SGCZ: variants seen among roughly 807,000 people sequenced by gnomAD.
SGCZ encodes the protein zeta-sarcoglycan.
A neutral mutation model predicts 41.3 loss-of-function variants in SGCZ; 40 were observed. The observed-to-expected ratio is 0.97, with a 90% CI of 0.75 to 1.26. The LOEUF (loss-of-function observed/expected upper bound fraction) is 1.26. Ranked by LOEUF, SGCZ falls within the 50% of genes most tolerant of loss-of-function variation. SGCZ has a pLI of 0.00. For missense variants in SGCZ, 552 were observed against 369.8 expected, an observed-to-expected ratio of 1.49 and a Z score of -4.04; for synonymous variants, 206 against 137.5, an observed-to-expected ratio of 1.50 and a Z score of -3.49.
intron 2 of SGCZ, among the ~76,000 whole-genome samples, chr8:14,430,914 GAATCA>G (rs1799925846): frequency 6.6e-6 from 1 of 152,080 alleles, no homozygotes; most frequent in Non-Finnish European, 1.5e-5. Flanking sequence ...ACCAAGCTGA[GAATCA>G]AATCAAGAAC....
chr8:14,094,746 C>T (rs1180701707), intron 7 of SGCZ, among the ~76,000 whole-genome samples: 4 of 152,138 alleles, frequency 2.6e-5, no homozygotes, highest in Non-Finnish European at 5.9e-5. Flanking sequence ...ATTTACACTC[C>T]CACCAACAGT....
chr8:14,257,077 T>C lies in SGCZ; in HGVS notation c.337-19398A>G, dbSNP rs556004267. On this transcript the variant is annotated intron_variant, in intron 3 of 7. Coordinates refer to ENST00000382080, the MANE Select transcript of SGCZ (RefSeq NM_139167.4). ...CAGGCGTGGTGGCTCATGCCTCTAA[T>C]CCTAGCACTAGAAGGCCAAAGTGGA... 9.2e-5 allele frequency among the ~76,000 whole-genome samples: 14 copies of C among 152,244 alleles called. No individual in the cohort carries two copies. The East Asian group carries it at 2.5e-3, about 27-fold the overall frequency.
chr8:15,212,212 T>A (rs1403376105), intron 1 of SGCZ, among the ~76,000 whole-genome samples: 1 of 152,138 alleles, frequency 6.6e-6, no homozygotes, highest in East Asian at 1.9e-4. Context: ...GGCTCATTGT[T>A]CTTAATTTGA....
chr8:15,085,750 G>A (rs561963390), intron 1 of SGCZ, among the ~76,000 whole-genome samples: 3 of 151,980 alleles, frequency 2.0e-5, no homozygotes, highest in Non-Finnish European at 2.9e-5. Flanking sequence ...ACACATCTAC[G>A]CTAGATATGA....
At chr8:15,106,069 T>C (rs1806812859) in intron 1 of SGCZ, among the ~76,000 whole-genome samples, 1 of 152,208 alleles carries the variant, frequency 6.6e-6, no homozygotes, top group South Asian at 2.1e-4. Context: ...ATCATGACAT[T>C]ACAATATGCT....
rs193020719 is a variant in SGCZ, at chr8:14,606,483, G to A, written c.40-51557C>T. The stretch of plus-strand genomic sequence containing the variant: ...GTTGTTGAGAACTTCTCAGCATTCT[G>A]GCTTCTTCTCATTACTCTCCGTCTT... On this transcript the variant is annotated intron_variant, in intron 1 of 7. Transcript: ENST00000382080. Among the ~76,000 whole-genome samples the A allele has an allele frequency of 5.1e-4, 78 of 152,212 alleles. 1 individual carries two copies. In the East Asian group the frequency reaches 0.012, roughly 23 times the overall value.
chr8:14,884,744 T>A (rs1413840871), intron 1 of SGCZ, among the ~76,000 whole-genome samples: 1 of 152,156 alleles, frequency 6.6e-6, no homozygotes, highest in Non-Finnish European at 1.5e-5. Context: ...TAGTATATAT[T>A]TAGTAACATT....
intron 1 of SGCZ, among the ~76,000 whole-genome samples, chr8:14,960,436 C>G (rs966860955): frequency 5.3e-5 from 8 of 152,012 alleles, no homozygotes; most frequent in African/African-American, 1.2e-4. Context: ...TGCAATGATT[C>G]AAATGAAATT....
chr8:14,771,119 G>C (rs1238387734), intron 1 of SGCZ, among the ~76,000 whole-genome samples: 1 of 152,004 alleles, frequency 6.6e-6, no homozygotes, highest in Non-Finnish European at 1.5e-5. Flanking sequence ...TAAGGATTTG[G>C]GTAAATAAGG....
intron 2 of SGCZ, among the ~76,000 whole-genome samples, chr8:14,367,455 C>G (rs1803754734): frequency 6.6e-6 from 1 of 151,950 alleles, no homozygotes; most frequent in African/African-American, 2.4e-5. Flanking sequence ...TCTGTAGTAC[C>G]AATTTACTTT....
chr8:15,101,096 C>T (rs1167999473), intron 1 of SGCZ, among the ~76,000 whole-genome samples: 1 of 152,110 alleles, frequency 6.6e-6, no homozygotes, highest in Non-Finnish European at 1.5e-5. Context: ...ACTTTTCATA[C>T]ATATTAACTC....
intron 1 of SGCZ, among the ~76,000 whole-genome samples, chr8:14,885,095 T>G (rs530151749): frequency 1.3e-5 from 2 of 152,346 alleles, no homozygotes; most frequent in South Asian, 4.1e-4. Flanking sequence ...AATCAGTCAC[T>G]GAAAATCCCA....
chr8:14,967,978 T>C (rs1801175039), intron 1 of SGCZ, among the ~76,000 whole-genome samples: 1 of 152,156 alleles, frequency 6.6e-6, no homozygotes, highest in Non-Finnish European at 1.5e-5. Flanking sequence ...ACATTTGTTT[T>C]AAGTAAATGA....
chr8:14,309,745 C>G lies in SGCZ; in HGVS notation c.336+14358G>C, dbSNP rs576602646. On this transcript the variant is annotated intron_variant, in intron 3 of 7. Transcript: ENST00000382080. ...CGAGATTTGGGAGCTGAACCAAAGCCTCTTCAAAAAGCAGAGTGGACTGCA... is the reference window on the plus strand; with the variant it reads ...CGAGATTTGGGAGCTGAACCAAAGCGTCTTCAAAAAGCAGAGTGGACTGCA... 83 of 1,594,282 alleles carry G rather than the reference C, an allele frequency of 5.2e-5. No individual in the cohort carries two copies. The African/African-American group carries it at 1.1e-3, about 20-fold the overall frequency.
chr8:14,492,886 C>A (rs543949129), intron 2 of SGCZ, among the ~76,000 whole-genome samples: 4 of 152,274 alleles, frequency 2.6e-5, no homozygotes, highest in African/African-American at 9.6e-5. Flanking sequence ...TCCTTCTTCA[C>A]ATTTCCATTT....
intron 2 of SGCZ, among the ~76,000 whole-genome samples, chr8:14,530,588 T>C: frequency 6.6e-6 from 1 of 152,120 alleles, no homozygotes; most frequent in East Asian, 1.9e-4. Context: ...CACACAGCAG[T>C]AACACTGTAT....
intron 2 of SGCZ, among the ~76,000 whole-genome samples, chr8:14,363,110 G>T (rs1803585429): frequency 1.3e-5 from 2 of 152,194 alleles, no homozygotes; most frequent in Admixed American, 6.5e-5. Flanking sequence ...CTAATCTGGG[G>T]TCTAAATGCA....
At chr8:14,388,952 T>C (rs375194254) in intron 2 of SGCZ, among the ~76,000 whole-genome samples, 17 of 152,012 alleles carry the variant, frequency 1.1e-4, no homozygotes, top group East Asian at 3.8e-4. Flanking sequence ...CTGAATAACA[T>C]TGTACAATAA....
chr8:14,867,740 A>C (rs1028780888), intron 1 of SGCZ, among the ~76,000 whole-genome samples: 79 of 152,186 alleles, frequency 5.2e-4, no homozygotes, highest in African/African-American at 1.8e-3. Context: ...ACCGAGGGGA[A>C]CAACACACAC....
Sources: allele counts gnomAD v4.1 joint callset (sites outside exome capture counted in the v4.1 genomes callset), GRCh38; gene constraint gnomAD v4.1.1; transcripts MANE v1.5; gene names NCBI Gene and HGNC (gene_info 2026-07-23, HGNC 2026-07-21).